Variants in SV2C observed in about 807,000 individuals in gnomAD.
SV2C encodes the protein solute carrier family 22 member B3.
In SV2C, 49 loss-of-function variants were observed where a neutral mutation model predicts 79.7. The observed-to-expected ratio is 0.61, with a 90% CI of 0.49 to 0.78. The LOEUF is 0.78. Among genes scored for constraint, SV2C ranks in the 30% least tolerant of loss-of-function variants. The pLI is 0.00. For missense variants in SV2C, 833 were observed against 912.9 expected (o/e 0.91, Z 1.13); for synonymous variants, 334 against 333.2 (o/e 1.00, Z -0.03).
At chr5:75,926,794 G>T in the SV2C span, among the ~76,000 whole-genome samples, 1 of 152,142 alleles carries the variant, frequency 6.6e-6, no homozygotes, top group African/African-American at 2.4e-5. Flanking sequence ...TTGAGGAATA[G>T]GGTACAACAT....
At chr5:76,082,692 C>G (rs2112077302), upstream of SV2C, among the ~76,000 whole-genome samples, 1 of 148,434 alleles carries the variant, frequency 6.7e-6, no homozygotes, top group East Asian at 2.2e-4. Context: ...CAATATCTGC[C>G]TGTGAGCCCA....
the SV2C span, among the ~76,000 whole-genome samples, chr5:75,901,471 C>T: frequency 5.9e-5 from 9 of 152,244 alleles, no homozygotes; most frequent in South Asian, 4.1e-4. Context: ...AGTACCCGGC[C>T]GTGTGAGGTG....
intron 4 of SV2C, among the ~76,000 whole-genome samples, chr5:76,276,531 T>C (rs1469421416): frequency 6.6e-6 from 1 of 152,184 alleles, no homozygotes; most frequent in African/African-American, 2.4e-5. Flanking sequence ...TTTTGCCACT[T>C]TGTGCAGGCT....
the SV2C span, among the ~76,000 whole-genome samples, chr5:75,883,522 T>C: frequency 9.9e-3 from 1,434 of 145,032 alleles, 26 homozygotes; most frequent in African/African-American, 0.037. Context: ...AAATGATGAG[T>C]TCATGTCCTT....
intron 10 of SV2C, among the ~76,000 whole-genome samples, chr5:76,300,514 A>T (rs1160530237): frequency 2.6e-5 from 4 of 152,210 alleles, no homozygotes; most frequent in African/African-American, 9.7e-5. Flanking sequence ...TTTATTCAGC[A>T]AAGGTATCTC....
the SV2C span, among the ~76,000 whole-genome samples, chr5:76,015,085 T>C: frequency 3.3e-5 from 5 of 152,184 alleles, no homozygotes; most frequent in African/African-American, 1.2e-4. Context: ...TGGCTAAGGC[T>C]GTGTAGAGAA....
At chr5:75,975,782 G>A in the SV2C span, among the ~76,000 whole-genome samples, 1 of 152,162 alleles carries the variant, frequency 6.6e-6, no homozygotes, top group East Asian at 1.9e-4. Flanking sequence ...AAGACTTGGA[G>A]CACAGCTGTC....
intron 1 of SV2C, among the ~76,000 whole-genome samples, chr5:76,111,565 A>G (rs913751211): frequency 6.6e-6 from 1 of 152,252 alleles, no homozygotes; most frequent in Non-Finnish European, 1.5e-5. Flanking sequence ...ATTGCTGCCG[A>G]TGGAGACTGG....
chr5:76,223,773 C>G lies in SV2C; in HGVS notation c.913+13886C>G, dbSNP rs117681610. 2.0e-3 allele frequency among the ~76,000 whole-genome samples: 300 copies of G among 152,138 alleles called. 12 individuals carry two copies. In the East Asian group the frequency reaches 0.057, roughly 29 times the overall value. On this transcript the variant is annotated intron_variant, in intron 4 of 12. Coordinates refer to ENST00000502798, the MANE Select transcript of SV2C (RefSeq NM_014979.4). ...GCATACCTGTCTTAATCTGCTCAGG[C>G]TGCCATAACAAGATACCACAGACTG...
chr5:75,974,801 C>T, the SV2C span, among the ~76,000 whole-genome samples: 5 of 152,104 alleles, frequency 3.3e-5, no homozygotes, highest in Non-Finnish European at 5.9e-5. Context: ...ATCAATATGG[C>T]TCTCATTTGC....
the SV2C span, among the ~76,000 whole-genome samples, chr5:75,947,154 A>G: frequency 0.027 from 4,158 of 152,134 alleles, 169 homozygotes; most frequent in African/African-American, 0.092. Context: ...GCCAGTGGGA[A>G]TAAAGATAAA....
chr5:75,914,450 C>T, the SV2C span, among the ~76,000 whole-genome samples: 52 of 152,054 alleles, frequency 3.4e-4, no homozygotes, highest in Middle Eastern at 6.8e-3. Flanking sequence ...AAATACAGCT[C>T]CACAGGTGGG....
Position 76,114,485 on chromosome 5 carries a change from T to C in SV2C, c.-101-17165T>C, listed in dbSNP as rs140055895. ...CTCCTCTTGTTGACATCTATGAGAG[T>C]TTCCTGAGGTCCAGGAAAATGTGTT... is the stretch of plus-strand genomic sequence containing the variant. On this transcript the variant is annotated intron_variant, in intron 1 of 12. Coordinates refer to ENST00000502798, the MANE Select transcript of SV2C (RefSeq NM_014979.4). Among the ~76,000 whole-genome samples, 417 of 152,108 alleles carry C rather than the reference T, an allele frequency of 2.7e-3. 1 individual carries two copies. The highest frequency in any genetic ancestry group is 8.3e-3 in the African/African-American group (345 of 41,488).
intron 3 of SV2C, 25 bp from the exon 4 acceptor site, chr5:76,209,711 A>G (rs1360762293): frequency 1.2e-6 from 2 of 1,608,724 alleles, no homozygotes; most frequent in Non-Finnish European, 1.7e-6. Flanking sequence ...CCCTGATTTC[A>G]TGTATTCTCT....
chr5:76,075,934 T>C, the SV2C span: 10 of 208,656 alleles, frequency 4.8e-5, no homozygotes, highest in Middle Eastern at 9.5e-4. Flanking sequence ...AAATTTTATT[T>C]ACTATTTTTT....
At chr5:76,106,203 G>A (rs974669902) in intron 1 of SV2C, among the ~76,000 whole-genome samples, 2 of 151,920 alleles carry the variant, frequency 1.3e-5, no homozygotes, top group African/African-American at 4.8e-5. Flanking sequence ...TCTTCCTCTT[G>A]TGTACCGCAT....
At chr5:76,199,857 C>T (rs1414988485) in intron 3 of SV2C, among the ~76,000 whole-genome samples, 1 of 152,246 alleles carries the variant, frequency 6.6e-6, no homozygotes, top group East Asian at 1.9e-4. Flanking sequence ...ACTGGAGCTG[C>T]TTTACAGACC....
chr5:76,035,015 G>T, the SV2C span, among the ~76,000 whole-genome samples: 2 of 152,280 alleles, frequency 1.3e-5, no homozygotes, highest in South Asian at 4.2e-4. Context: ...ATTTCTTCTA[G>T]ATTTTCTAGT....
At chr5:75,898,694 G>T in the SV2C span, among the ~76,000 whole-genome samples, 1 of 152,092 alleles carries the variant, frequency 6.6e-6, no homozygotes, top group Non-Finnish European at 1.5e-5. Flanking sequence ...AATCCATCTG[G>T]TCCTGGACTC....
Sources: allele counts gnomAD v4.1 joint callset (sites outside exome capture counted in the v4.1 genomes callset), GRCh38; gene constraint gnomAD v4.1.1; transcripts MANE v1.5; gene names NCBI Gene and HGNC (gene_info 2026-07-23, HGNC 2026-07-21).